The following DHX9 variants were observed in gnomAD, a reference collection of about 807,000 sequenced individuals.
DHX9 encodes the protein ATP-dependent RNA helicase A.
Under a neutral mutation model 148.7 loss-of-function variants are expected in DHX9, and 27 were observed. The observed-to-expected ratio is 0.18, with a 90% CI of 0.13 to 0.25. The LOEUF is 0.25. DHX9 is among the 10% of genes least tolerant of loss of function. The probability of loss-of-function intolerance (pLI) is 1.00; values close to 1 mark genes in which losing one functional copy is unlikely to be tolerated. For missense variants in DHX9, 796 were observed against 1,559.6 expected (o/e 0.51, Z 8.25); for synonymous variants, 529 against 516.6 (o/e 1.02, Z -0.33).
chr1:182,881,725 T>G, intron 24 of DHX9, 78 bp downstream of exon 24: 1 of 1,459,948 alleles, frequency 6.8e-7, no homozygotes, highest in African/African-American at 1.4e-5. Context: ...AAAGTGTATT[T>G]TAGTTTCAAA....
At chr1:182,839,670 C>A (rs535883096) in intron 1 of DHX9, 2 of 152,268 alleles carry the variant, frequency 1.3e-5, no homozygotes, top group Admixed American at 6.5e-5. Context: ...CCTGTGGCCC[C>A]CTCCCCTCTC....
rs1215819295 is a variant in DHX9 at position 182,876,205 on chromosome 1, G to T, written c.1971G>T (p.Leu657Phe). The change falls in exon 17 of 28, where the codon TTG (leucine) becomes TTT (phenylalanine). Residue 657 changes from leucine to phenylalanine, a missense_variant. By Grantham distance (22) the Leu-to-Phe change is conservative. Around this residue, in one of 14 missense-constraint regions of DHX9, gnomAD observed 133 missense variants for 223.8 expected, o/e 0.59. Transcript: ENST00000367549. The part of the protein sequence containing the change: ...LNVPGAVLVF[L>F]PGWNLIYTMQ... ...TTCCTGGAGCTGTGTTGGTTTTTTT[G>T]CCTGGCTGGAATCTGATTTATACTA... 1 of 1,613,854 alleles carries T rather than the reference G, an allele frequency of 6.2e-7. No individual in the cohort carries two copies. The highest frequency in any genetic ancestry group is 1.1e-5 in the South Asian group (1 of 91,064).
rs115685512 is a variant in DHX9 at position 182,857,376 on chromosome 1, A to G, written c.674-728A>G. 4.9e-3 allele frequency among the ~76,000 whole-genome samples: 748 copies of G among 152,330 alleles called. 5 individuals carry two copies. Among genetic ancestry groups the G allele is most frequent in the Admixed American group, 8.2e-3 (126 of 15,294 alleles). On this transcript the variant is annotated intron_variant, in intron 7 of 27. Transcript: ENST00000367549. ...AAACTTTCTGTTAATATTTTCTATAAGGATATGAGTAACTTAGCTTTAGTT... is the reference window on the plus strand; with the variant it reads ...AAACTTTCTGTTAATATTTTCTATAGGGATATGAGTAACTTAGCTTTAGTT...
Position 182,863,696 on chromosome 1 carries a change from A to C in DHX9, c.1333-2748A>C, listed in dbSNP as rs190798618. On this transcript the variant is annotated intron_variant, in intron 12 of 27. Coordinates refer to ENST00000367549, the MANE Select transcript of DHX9 (RefSeq NM_001357.5). ...GTGGCATGCAGTCTGAGAAAGGTTT[A>C]AATAGTCATTGATACGCTCACGTTA... Among the ~76,000 whole-genome samples, 96 of 152,286 alleles carry C rather than the reference A, an allele frequency of 6.3e-4. 1 individual carries two copies. The South Asian group carries it at 9.1e-3, about 14-fold the overall frequency.
At chr1:182,881,482 G>C in intron 23 of DHX9, 38 bp from the exon 24 acceptor site, 1 of 1,607,920 alleles carries the variant, frequency 6.2e-7, no homozygotes, top group East Asian at 2.2e-5. Flanking sequence ...TTAGTTCTCT[G>C]GTCTTAGAGA....
rs553238062 is a variant in DHX9 at position 182,843,590 on chromosome 1, A to T, written c.252+156A>T. 2.6e-5 allele frequency among the ~76,000 whole-genome samples: 4 copies of T among 152,254 alleles called. No individual in the cohort carries two copies. The South Asian group carries it at 8.3e-4, about 32-fold the overall frequency. On this transcript the variant is annotated intron_variant, in intron 3 of 27. Coordinates refer to ENST00000367549, the MANE Select transcript of DHX9 (RefSeq NM_001357.5). ...CTTGTTTTGTCTCAGCACTGGACAA[A>T]ATTTCTGAAGATGTGGATTGCATCC...
chr1:182,879,221 A>T (rs1404840082), intron 20 of DHX9, 29 bp from the exon 21 acceptor site: 4 of 1,439,044 alleles, frequency 2.8e-6, no homozygotes, highest in Admixed American at 2.0e-5. Context: ...CACAAGGAGG[A>T]TGGTTATTTT....
Position 182,887,167 on chromosome 1 carries a change from T to G in DHX9, c.3546T>G (p.Gly1182=). Residue 1182 remains glycine (G), a synonymous_variant, in exon 28 of 28, where the codon GGT becomes GGG. Coordinates refer to ENST00000367549, the MANE Select transcript of DHX9 (RefSeq NM_001357.5). ...GAAGGGGAGGTTCTAGTTACAGTGG[T>G]GGAGGCTATGGCGGTGGCTATAGCA... The part of the protein sequence containing the change: ...GYRRGGSSYS[G]GGYGGGYSSG... The G allele has an allele frequency of 6.2e-7, 1 of 1,614,094 alleles. No individual in the cohort carries two copies. The highest frequency in any genetic ancestry group is 8.5e-7 in the Non-Finnish European group (1 of 1,179,974).
chr1:182,846,894 CTT>C (rs914500086), intron 3 of DHX9, among the ~76,000 whole-genome samples: 1 of 148,296 alleles, frequency 6.7e-6, no homozygotes, highest in Admixed American at 6.7e-5. Context: ...CTGAGGCTCT[CTT>C]TTTTTTTTCC....
At chr1:182,855,624 C>T in intron 6 of DHX9, 1 of 985,468 alleles carries the variant, frequency 1.0e-6, no homozygotes. Context: ...GGCTGAGAAA[C>T]ATACTGGCAT....
intron 14 of DHX9, among the ~76,000 whole-genome samples, chr1:182,870,482 A>AC (rs1344549116): frequency 1.4e-4 from 21 of 152,238 alleles, no homozygotes; most frequent in Non-Finnish European, 3.1e-4. Flanking sequence ...GCACAAAAGC[A>AC]CATTGTATGT....
intron 18 of DHX9, 127 bp from the exon 19 acceptor site, chr1:182,876,703 C>G: frequency 1.1e-6 from 1 of 902,372 alleles, no homozygotes; most frequent in Non-Finnish European, 1.7e-6. Context: ...GTTCATTAAT[C>G]AGTTATTGGG....
At chr1:182,840,075 C>T (rs181207828) in intron 1 of DHX9, 7 of 152,396 alleles carry the variant, frequency 4.6e-5, no homozygotes, top group African/African-American at 1.7e-4. Flanking sequence ...GGCCATGTGA[C>T]TGGAGTGTGG....
intron 6 of DHX9, chr1:182,855,465 A>G (rs1322871702): frequency 3.9e-6 from 3 of 772,862 alleles, no homozygotes; most frequent in African/African-American, 1.9e-5. Flanking sequence ...CATAACAGAC[A>G]GCAACACCAG....
At position 182,881,653 on chromosome 1, in the gene DHX9, A is replaced by C. The variant is rs1179496072; in HGVS notation, c.2914+6A>C. On this transcript the variant is annotated splice_donor_region_variant and intron_variant, in intron 24 of 27. Transcript: ENST00000367549. Reference sequence around the variant, plus strand: ...TAATTCTGGGTTTCCAGAAGGTAAGACTTCTTCCATTCTTAAGATATCTTT... The same window carrying C: ...TAATTCTGGGTTTCCAGAAGGTAAGCCTTCTTCCATTCTTAAGATATCTTT... The C allele has an allele frequency of 6.3e-7, 1 of 1,588,340 alleles. No individual in the cohort carries two copies. The highest frequency in any genetic ancestry group is 8.5e-7 in the Non-Finnish European group (1 of 1,172,622).
In DHX9 at chr1:182,860,162, A is replaced by G; in HGVS notation, c.1310A>G (p.Glu437Gly). The G allele has an allele frequency of 6.2e-7, 1 of 1,606,274 alleles. No individual in the cohort carries two copies. Among genetic ancestry groups the G allele is most frequent in the Non-Finnish European group, 8.5e-7 (1 of 1,176,836 alleles). ...DDFIQNDRAA[E>G]CNIVVTQPRR... ...TTTATCCAGAATGACCGAGCAGCAGAGTGTAACATCGTAGTAACTCAGGTA... is the reference window on the plus strand; with the variant it reads ...TTTATCCAGAATGACCGAGCAGCAGGGTGTAACATCGTAGTAACTCAGGTA... The change falls in exon 12 of 28, where the codon GAG (glutamate) becomes GGG (glycine). Residue 437 changes from glutamate to glycine, a missense_variant. Transcript: ENST00000367549.
At chr1:182,865,810 CT>C (rs1198916937) in intron 12 of DHX9, among the ~76,000 whole-genome samples, 1 of 152,178 alleles carries the variant, frequency 6.6e-6, no homozygotes, top group Non-Finnish European at 1.5e-5. Flanking sequence ...CGTTTTTGTA[CT>C]TAGAAGACAT....
At chr1:182,857,961 A>G (rs1668286224) in intron 7 of DHX9, 143 bp from the exon 8 acceptor site, 4 of 752,684 alleles carry the variant, frequency 5.3e-6, no homozygotes, top group African/African-American at 5.3e-5. Flanking sequence ...GCAGATATTA[A>G]TAGAATAAAA....
intron 15 of DHX9, among the ~76,000 whole-genome samples, chr1:182,874,028 T>C (rs1293570480): frequency 6.6e-6 from 1 of 152,188 alleles, no homozygotes; most frequent in East Asian, 1.9e-4. Context: ...ATACAAAATA[T>C]TTGTGTGTCT....
Sources: gnomAD v4.1 joint callset for allele counts (sites outside exome capture counted in the v4.1 genomes callset) on GRCh38, gnomAD v4.1.1 for gene constraint, gnomAD v4.1.1 regional missense constraint, MANE v1.5 for transcripts, NCBI Gene and HGNC (gene_info 2026-07-23, HGNC 2026-07-21) for gene names.